Variants in PRRT1B observed in about 807,000 individuals in gnomAD.
PRRT1B encodes the protein dispanin subfamily D member 2.
At chr9:131,558,152 G>C (rs773407479) in exon 4 of PRRT1B, 1 of 400,904 alleles carries the variant, frequency 2.5e-6, no homozygotes, top group Non-Finnish European at 4.4e-6. Flanking sequence ...CGGGGTCTTC[G>C]TGTCTACCAG....
chr9:131,548,416 C>A (rs1401331934), intron 1 of PRRT1B, among the ~76,000 whole-genome samples: 1 of 152,144 alleles, frequency 6.6e-6, no homozygotes, highest in African/African-American at 2.4e-5. Context: ...TTATTTTCTT[C>A]TGCAACACCG....
At chr9:131,557,104 A>G (rs1406374151) in intron 3 of PRRT1B, among the ~76,000 whole-genome samples, 2 of 151,862 alleles carry the variant, frequency 1.3e-5, no homozygotes, top group African/African-American at 4.8e-5. Flanking sequence ...TCATCCATCC[A>G]TCTACTCATC....
At chr9:131,558,288 T>C in exon 4 of PRRT1B, 1 of 400,276 alleles carries the variant, frequency 2.5e-6, no homozygotes, top group Non-Finnish European at 4.4e-6. Context: ...CTCAGATCCC[T>C]GCCGGTGGCC....
At chr9:131,550,782 CCT>C (rs1169042402) in intron 1 of PRRT1B, among the ~76,000 whole-genome samples, 12 of 152,080 alleles carry the variant, frequency 7.9e-5, no homozygotes, top group Non-Finnish European at 2.9e-5. Context: ...TGCTCAACTC[CCT>C]CTCTAATCTT....
chr9:131,547,754 C>A (rs948720553), intron 1 of PRRT1B, among the ~76,000 whole-genome samples: 1 of 152,196 alleles, frequency 6.6e-6, no homozygotes, highest in African/African-American at 2.4e-5. Flanking sequence ...GAACATCTCA[C>A]CAATTTTAAA....
chr9:131,553,304 G>T (rs1037605480), intron 1 of PRRT1B, among the ~76,000 whole-genome samples: 13 of 152,194 alleles, frequency 8.5e-5, no homozygotes, highest in African/African-American at 3.1e-4. Context: ...CCCAGCCCCT[G>T]TTAACCTGGA....
intron 1 of PRRT1B, among the ~76,000 whole-genome samples, chr9:131,552,610 T>G (rs1322080208): frequency 6.6e-6 from 1 of 151,124 alleles, no homozygotes. Flanking sequence ...GTTTTCAGAG[T>G]TTTTTTTTAG....
chr9:131,555,067 C>A, intron 2 of PRRT1B, 38 bp downstream of exon 2: 1 of 380,288 alleles, frequency 2.6e-6, no homozygotes, highest in Non-Finnish European at 4.6e-6. Flanking sequence ...CCCCTCCGTG[C>A]TGTCTGCGCG....
exon 2 of PRRT1B, chr9:131,554,924 C>T (rs1216745197): frequency 1.8e-5 from 7 of 387,022 alleles, no homozygotes; most frequent in African/African-American, 6.3e-5. Flanking sequence ...TCCTGCAGCC[C>T]GCGCCGTCTG....
At chr9:131,550,939 C>CTTTTTTTTTTTTTTT (rs546049217) in intron 1 of PRRT1B, among the ~76,000 whole-genome samples, 1 of 75,978 alleles carries the variant, frequency 1.3e-5, no homozygotes, top group Non-Finnish European at 2.4e-5. Flanking sequence ...TTTTCTTTTT[C>CTTTTTTTTTTTTTTT]TTTTTTTTTT....
At chr9:131,556,189 C>A in exon 3 of PRRT1B, 1 of 401,166 alleles carries the variant, frequency 2.5e-6, no homozygotes, top group Non-Finnish European at 4.4e-6. Flanking sequence ...TCACCGGTCT[C>A]ATCGCCATCG....
chr9:131,547,718 C>T (rs941749923), intron 1 of PRRT1B, among the ~76,000 whole-genome samples: 2 of 152,158 alleles, frequency 1.3e-5, no homozygotes, highest in South Asian at 2.1e-4. Flanking sequence ...CCTACGACCT[C>T]GGGTCCTCAG....
At chr9:131,552,166 A>G (rs1342862756) in intron 1 of PRRT1B, among the ~76,000 whole-genome samples, 2 of 152,136 alleles carry the variant, frequency 1.3e-5, no homozygotes. Flanking sequence ...GAGGCATGGA[A>G]AGTTTGTCAC....
intron 1 of PRRT1B, among the ~76,000 whole-genome samples, chr9:131,550,933 CTTTTTCTTTTTTTT>C (rs1951007055): frequency 8.6e-6 from 1 of 116,856 alleles, no homozygotes; most frequent in African/African-American, 3.2e-5. Flanking sequence ...TTTTTCTTTT[CTTTTTCTTTTTTTT>C]TTTTTTTTTT....
intron 1 of PRRT1B, among the ~76,000 whole-genome samples, chr9:131,553,922 G>A (rs1951028503): frequency 6.6e-6 from 1 of 152,228 alleles, no homozygotes; most frequent in African/African-American, 2.4e-5. Flanking sequence ...GTTGGGTGCT[G>A]AAGGCCAGGG....
chr9:131,549,310 G>A (rs771815718), intron 1 of PRRT1B, among the ~76,000 whole-genome samples: 2 of 152,148 alleles, frequency 1.3e-5, no homozygotes, highest in Admixed American at 6.6e-5. Context: ...CGCCTGAACC[G>A]CAGCTGCCAG....
Position 131,551,062 on chromosome 9 carries a change from C to A in PRRT1B, c.26-3495C>A, listed in dbSNP as rs1480158041. Reference sequence around the variant, plus strand: ...GGTTCACGCCATTCTTCTGCCTCAGCCTCCCGAGTAGCTGGGACTACAGGC... The same window carrying A: ...GGTTCACGCCATTCTTCTGCCTCAGACTCCCGAGTAGCTGGGACTACAGGC... On this transcript the variant is annotated intron_variant, in intron 1 of 3. Transcript: ENST00000636672. The surrounding 1 kb of genome is among the most constrained non-coding windows in gnomAD (Gnocchi z 4.4). 6.7e-6 allele frequency among the ~76,000 whole-genome samples: 1 copy of A among 149,498 alleles called. No homozygotes were observed. Among genetic ancestry groups the A allele is most frequent in the Non-Finnish European group, 1.5e-5 (1 of 67,590 alleles).
intron 2 of PRRT1B, among the ~76,000 whole-genome samples, chr9:131,555,424 C>T (rs1183850996): frequency 6.6e-6 from 1 of 152,072 alleles, no homozygotes; most frequent in African/African-American, 2.4e-5. Flanking sequence ...ACCTGTAATC[C>T]CAGCACTTTG....
intron 2 of PRRT1B, among the ~76,000 whole-genome samples, chr9:131,555,862 A>C (rs1564418148): frequency 6.6e-6 from 1 of 151,986 alleles, no homozygotes; most frequent in African/African-American, 2.4e-5. Flanking sequence ...AGTGGGACTG[A>C]GGGCTCAGCG....
Sources: allele counts gnomAD v4.1 joint callset (sites outside exome capture counted in the v4.1 genomes callset), GRCh38; gene constraint gnomAD v4.1.1; non-coding constraint Gnocchi (gnomAD v3.1); transcripts MANE v1.5; gene names NCBI Gene and HGNC (gene_info 2026-07-23, HGNC 2026-07-21).